CFAP410: variants seen among roughly 807,000 people sequenced by gnomAD.
CFAP410 encodes cilia- and flagella-associated protein 410.
A neutral mutation model predicts 25.7 loss-of-function variants in CFAP410; 27 were observed. The ratio of observed to expected loss-of-function variants is 1.05; its 90% CI spans 0.77 to 1.45. CFAP410 has a LOEUF of 1.45. Ranked by LOEUF, CFAP410 falls within the 40% of genes most tolerant of loss-of-function variation. CFAP410 has a pLI of 0.00. For synonymous variants in CFAP410, 178 were observed against 158.4 expected (o/e 1.12, Z -0.93); for missense variants, 428 against 354.1 (o/e 1.21, Z -1.67).
intron 1 of CFAP410, 143 bp downstream of exon 1, chr21:44,338,975 C>T (rs1433544537): frequency 3.2e-5 from 9 of 284,728 alleles, no homozygotes; most frequent in Admixed American, 6.1e-5. Context: ...CGGCTCCTCC[C>T]TCCGGCTCCG....
chr21:44,338,402 T>G, intron 1 of CFAP410: 9 of 937,348 alleles, frequency 9.6e-6, no homozygotes, highest in Non-Finnish European at 1.3e-5. Flanking sequence ...TGGAAGCTCC[T>G]GGTCTTCCTT....
intron 3 of CFAP410, chr21:44,334,566 C>T (rs2047719315): frequency 3.0e-6 from 1 of 335,872 alleles, no homozygotes; most frequent in Admixed American, 4.2e-5. Flanking sequence ...CGCACCCCTG[C>T]TCAACCTCTG....
At chr21:44,338,985 G>A (rs2033238388) in intron 1 of CFAP410, 133 bp downstream of exon 1, 1 of 150,606 alleles carries the variant, frequency 6.6e-6, no homozygotes, top group Non-Finnish European at 1.2e-5. Context: ...CTCCGGCTCC[G>A]CCCTCGTCCC....
At chr21:44,330,724 C>G in intron 6 of CFAP410, 99 bp downstream of exon 6, 1 of 1,549,374 alleles carries the variant, frequency 6.5e-7, no homozygotes, top group Non-Finnish European at 8.7e-7. Flanking sequence ...GCTCCCTCCC[C>G]ACGGGGCCCT....
rs2047657064 is a variant in CFAP410, at chr21:44,331,956, G to C, written c.432C>G (p.Ala144=). Residue 144 remains alanine (A), a synonymous_variant, in exon 5 of 7, where the codon GCC becomes GCG. Coordinates refer to ENST00000339818, the MANE Select transcript of CFAP410 (RefSeq NM_004928.3). ...CGTGGCCTGTGCCCTCTCTCTCTGG[G>C]GCCGCAGTGATCTCCTCTCCCTCAC... is the stretch of plus-strand genomic sequence containing the variant. ...ALSEGEEITA[A]PEREGTGHGG... 1.2e-6 allele frequency: 2 copies of C among 1,613,544 alleles called. No homozygotes were observed. Among genetic ancestry groups the C allele is most frequent in the East Asian group, 4.5e-5 (2 of 44,866 alleles).
chr21:44,330,478 A>T, intron 6 of CFAP410, 152 bp from the exon 7 acceptor site: 1 of 1,535,526 alleles, frequency 6.5e-7, no homozygotes, highest in Non-Finnish European at 8.8e-7. Flanking sequence ...CACTCGGAGA[A>T]TCTGAGCAGA....
Position 44,330,217 on chromosome 21 carries a change from A to C in CFAP410, c.752T>G (p.Val251Gly), listed in dbSNP as rs1485700552. The C allele has an allele frequency of 1.0e-5, 16 of 1,576,988 alleles. No individual in the cohort carries two copies. The highest frequency in any genetic ancestry group is 5.4e-5 in the Admixed American group (3 of 55,542). ...CTGCGGTCACTCGGCGTGCTCCTGC[A>C]CCTCTTCCCCACGCAGGGCCTGCAG... ...SRLQALRGEE[V>G]QEHAE The change falls in exon 7 of 7, where the codon GTG (valine) becomes GGG (glycine). Residue 251 changes from valine to glycine, a missense_variant. Coordinates refer to ENST00000339818, the MANE Select transcript of CFAP410 (RefSeq NM_004928.3).
At chr21:44,334,985 C>A (rs886802143) in intron 3 of CFAP410, 2 of 153,772 alleles carry the variant, frequency 1.3e-5, no homozygotes, top group African/African-American at 4.8e-5. Context: ...TACCCACTCT[C>A]AGAGGGCAAG....
intron 1 of CFAP410, among the ~76,000 whole-genome samples, chr21:44,337,938 A>G (rs1488307329): frequency 6.6e-6 from 1 of 152,220 alleles, no homozygotes; most frequent in African/African-American, 2.4e-5. Context: ...ACACAAAAAG[A>G]TGAACTCTTC....
intron 5 of CFAP410, chr21:44,331,190 G>A (rs1233763018): frequency 1.9e-6 from 1 of 537,430 alleles, no homozygotes; most frequent in Non-Finnish European, 3.3e-6. Flanking sequence ...AGGGCTTCAG[G>A]GGCAGGGTGG....
At chr21:44,331,618 C>T in intron 5 of CFAP410, 1 of 547,372 alleles carries the variant, frequency 1.8e-6, no homozygotes, top group Admixed American at 3.8e-5. Flanking sequence ...TCTCCTGCTC[C>T]CTGGCACATC....
chr21:44,333,654 C>T (rs1769097862), intron 3 of CFAP410: 1 of 315,668 alleles, frequency 3.2e-6, no homozygotes, highest in African/African-American at 2.1e-5. Flanking sequence ...ATGGCAAAAA[C>T]TAGGAGCCAG....
At chr21:44,331,041 C>T in intron 5 of CFAP410, 122 bp from the exon 6 acceptor site, 2 of 910,894 alleles carry the variant, frequency 2.2e-6, no homozygotes, top group Non-Finnish European at 1.6e-6. Context: ...CCACCTGGCA[C>T]ACGGGGGCAA....
Position 44,338,391 on chromosome 21 carries a change from C to T in CFAP410, c.78-724G>A, listed in dbSNP as rs779735867. 5 of 1,026,156 alleles carry T rather than the reference C, an allele frequency of 4.9e-6. No individual in the cohort carries two copies. The African/African-American group carries it at 8.2e-5, about 17-fold the overall frequency. The allele number at this position is 1,026,156 out of a possible 1,614,324, so 63.6% of individuals were successfully genotyped here. A position where few individuals can be genotyped will look rare whatever the true frequency, so the allele number is the denominator to read the frequency against. On this transcript the variant is annotated intron_variant, in intron 1 of 6. Coordinates refer to ENST00000339818, the MANE Select transcript of CFAP410 (RefSeq NM_004928.3). ...AGGCCTCAACTCCAGGCTCCCTCTT[C>T]TGGAAGCTCCTGGTCTTCCTTGGCT... is the stretch of plus-strand genomic sequence containing the variant.
At chr21:44,335,607 G>A (rs1046256098) in intron 3 of CFAP410, 151 bp downstream of exon 3, 2 of 650,532 alleles carry the variant, frequency 3.1e-6, no homozygotes, top group Non-Finnish European at 2.7e-6. Context: ...CCCAGCTCTC[G>A]CTGTCCCGGC....
intron 1 of CFAP410, chr21:44,338,139 C>A: frequency 2.0e-6 from 1 of 512,608 alleles, no homozygotes; most frequent in South Asian, 2.1e-5. Context: ...CAAAGAAATG[C>A]ATTATTGAAA....
chr21:44,334,080 G>A, intron 3 of CFAP410: 1 of 456,054 alleles, frequency 2.2e-6, no homozygotes, highest in Non-Finnish European at 4.4e-6. Context: ...AACTCCGGCT[G>A]TGGGACTCTT....
rs1468840666 is a variant in CFAP410, at chr21:44,335,722, G to C, written c.143+36C>G. The C allele has an allele frequency of 1.9e-6, 3 of 1,551,936 alleles. No individual in the cohort carries two copies. In the East Asian group the frequency reaches 7.1e-5, roughly 37 times the overall value. On this transcript the variant is annotated intron_variant, in intron 3 of 6. Transcript: ENST00000339818. ...ACGTGAGGCTCTGCCCCGGCTTCCA[G>C]GCCCCAGGCTGAGCATGACAGCAGG... is the stretch of plus-strand genomic sequence containing the variant.
chr21:44,330,814 G>A lies in CFAP410; in HGVS notation c.642+9C>T, dbSNP rs200748945. On this transcript the variant is annotated intron_variant, in intron 6 of 6. Transcript: ENST00000339818. The stretch of plus-strand genomic sequence containing the variant: ...AGGCAGCCGCGGCCCCTAGCGGCCC[G>A]CCACTCACCCTGCCCCTGTGGCTGC... 1,626 of 1,590,516 alleles carry A rather than the reference G, an allele frequency of 1.0e-3. 20 individuals are homozygous for A. The African/African-American group carries it at 0.019, about 19-fold the overall frequency.
Sources: allele counts gnomAD v4.1 joint callset (sites outside exome capture counted in the v4.1 genomes callset), GRCh38; gene constraint gnomAD v4.1.1; transcripts MANE v1.5; gene names NCBI Gene and HGNC (gene_info 2026-07-23, HGNC 2026-07-21).